CELF1: variants seen among roughly 807,000 people sequenced by gnomAD.
CELF1 encodes 50 kDa nuclear polyadenylated RNA-binding protein.
In CELF1, 10 loss-of-function variants were observed where a neutral mutation model predicts 61.8. The ratio of observed to expected loss-of-function variants is 0.16; its 90% CI spans 0.10 to 0.27. CELF1 has a LOEUF of 0.27. Among genes scored for constraint, CELF1 ranks in the 10% least tolerant of loss-of-function variants. The pLI, the probability that CELF1 is intolerant of heterozygous loss-of-function variation, is 1.00. For missense variants in CELF1, 380 were observed against 639.1 expected, an observed-to-expected ratio of 0.59 and a Z score of 4.37; for synonymous variants, 236 against 225.1, an observed-to-expected ratio of 1.05 and a Z score of -0.43.
intron 1 of CELF1, among the ~76,000 whole-genome samples, chr11:47,540,975 C>T (rs1169133728): frequency 6.6e-6 from 1 of 152,142 alleles, no homozygotes; most frequent in Non-Finnish European, 1.5e-5. Context: ...CCCACCCGAT[C>T]TAGCATGGTA....
chr11:47,558,576 T>TATATATATTTATATATAAAATATAA (rs1555194416), intron 2 of CELF1, among the ~76,000 whole-genome samples: 2 of 106,368 alleles, frequency 1.9e-5, no homozygotes, highest in Middle Eastern at 5.7e-3. Flanking sequence ...AATATATAAA[T>TATATATATTTATATATAAAATATAA]ATATATATAT....
chr11:47,548,512 G>A (rs2097044346), intron 1 of CELF1, among the ~76,000 whole-genome samples: 1 of 152,068 alleles, frequency 6.6e-6, no homozygotes, highest in Non-Finnish European at 1.5e-5. Context: ...CAAAGTGAAA[G>A]ACAAATTACA....
chr11:47,534,301 A>T (rs1219946519), intron 1 of CELF1, among the ~76,000 whole-genome samples: 4 of 149,938 alleles, frequency 2.7e-5, no homozygotes, highest in Non-Finnish European at 5.9e-5. Flanking sequence ...AAGTGCTGGG[A>T]TTACAGGCAT....
intron 2 of CELF1, 68 bp from the exon 3 acceptor site, chr11:47,499,672 A>G (rs1597046298): frequency 1.6e-6 from 1 of 642,120 alleles, no homozygotes; most frequent in East Asian, 2.8e-5. Flanking sequence ...TGCCACAGAA[A>G]GAGGCAGGAC....
At chr11:47,556,385 A>G (rs1303642372), upstream of CELF1, among the ~76,000 whole-genome samples, 1 of 152,146 alleles carries the variant, frequency 6.6e-6, no homozygotes, top group Non-Finnish European at 1.5e-5. Flanking sequence ...GGGTCTCACT[A>G]TGTTGCCCAG....
chr11:47,482,535 G>T, intron 9 of CELF1, 160 bp downstream of exon 9: 3 of 585,818 alleles, frequency 5.1e-6, no homozygotes, highest in Non-Finnish European at 8.8e-6. Context: ...GAGAGAAAGA[G>T]ACTAACAGGA....
At position 47,482,734 on chromosome 11, in the gene CELF1, G is replaced by A; in HGVS notation, c.729C>T (p.Asn243=). The A allele has an allele frequency of 6.2e-7, 1 of 1,614,082 alleles. No individual in the cohort carries two copies. The highest frequency in any genetic ancestry group is 8.5e-7 in the Non-Finnish European group (1 of 1,180,016). ...GTCCAAGAGTATTTAGACCAGCAAG[G>A]TTTCCCCACACAGATGCTGCGCTGA... ...QQISAASVWG[N]LAGLNTLGPQ... Residue 243 remains asparagine, a synonymous_variant, in exon 9 of 15, where the codon AAC becomes AAT. Coordinates refer to ENST00000687097, the MANE Select transcript of CELF1 (RefSeq NM_001376376.1).
intron 9 of CELF1, among the ~76,000 whole-genome samples, chr11:47,481,102 C>CT (rs1187959061): frequency 0.03 from 2,139 of 71,228 alleles, 290 homozygotes; most frequent in African/African-American, 0.1. Context: ...TTTTCTTCTT[C>CT]TTTTTTTTTT....
In CELF1 at chr11:47,472,363, T is replaced by A; in HGVS notation, c.1418-6A>T. 1.2e-6 allele frequency: 2 copies of A among 1,613,362 alleles called. No homozygotes were observed. Among genetic ancestry groups the A allele is most frequent in the East Asian group, 2.2e-5 (1 of 44,862 alleles). On this transcript the variant is annotated splice_region_variant and splice_polypyrimidine_tract_variant and intron_variant, in intron 14 of 14. Transcript: ENST00000687097. Reference sequence around the variant, plus strand: ...ATTGTCGTAACTTACAAAACCTGTGTGTCCAAGCAGAAACCTAGGTGAGGG... The same window carrying A: ...ATTGTCGTAACTTACAAAACCTGTGAGTCCAAGCAGAAACCTAGGTGAGGG...
chr11:47,552,357 T>A lies in CELF1; in HGVS notation c.-154+635A>T, dbSNP rs374825262. ...GGCTTTAAAATCAAAGCCTGGTCCC[T>A]AGCGAAGAAAGCGCTTTAATGTGCT... On this transcript the variant is annotated intron_variant, in intron 1 of 14. Coordinates refer to ENST00000687097, the MANE Select transcript of CELF1 (RefSeq NM_001376376.1). Among the ~76,000 whole-genome samples the A allele has an allele frequency of 3.3e-5, 5 of 152,350 alleles. No individual in the cohort carries two copies. In the South Asian group the frequency reaches 8.3e-4, roughly 25 times the overall value.
chr11:47,544,591 C>T (rs1178141331), intron 1 of CELF1, among the ~76,000 whole-genome samples: 1 of 152,184 alleles, frequency 6.6e-6, no homozygotes, highest in Admixed American at 6.5e-5. Context: ...TACAGAAAGA[C>T]TTAATTCTCC....
intron 1 of CELF1, among the ~76,000 whole-genome samples, chr11:47,532,133 C>T (rs572143698): frequency 6.6e-6 from 1 of 151,980 alleles, no homozygotes; most frequent in African/African-American, 2.4e-5. Context: ...CAGGTTCAAG[C>T]GATTCTCCTG....
At chr11:47,532,184 C>T (rs1272981380) in intron 1 of CELF1, among the ~76,000 whole-genome samples, 1 of 152,122 alleles carries the variant, frequency 6.6e-6, no homozygotes, top group African/African-American at 2.4e-5. Flanking sequence ...GTACCCACCA[C>T]CAGGCCTAAA....
intron 1 of CELF1, among the ~76,000 whole-genome samples, chr11:47,517,568 G>A (rs960081844): frequency 5.3e-5 from 8 of 152,086 alleles, no homozygotes; most frequent in Non-Finnish European, 1.0e-4. Context: ...ATCTCTGGAT[G>A]GATAAAGAAA....
intron 1 of CELF1, among the ~76,000 whole-genome samples, chr11:47,541,869 T>G (rs1479536461): frequency 1.4e-5 from 2 of 148,056 alleles, no homozygotes; most frequent in African/African-American, 5.0e-5. Context: ...AAATTAAAAG[T>G]ATAACAGTAC....
intron 1 of CELF1, among the ~76,000 whole-genome samples, chr11:47,538,883 TCA>T (rs1186819905): frequency 2.0e-5 from 3 of 152,168 alleles, no homozygotes; most frequent in African/African-American, 7.2e-5. Flanking sequence ...GATGCTCCTC[TCA>T]CAGATCATTC....
chr11:47,521,761 A>G (rs568488021), intron 1 of CELF1, among the ~76,000 whole-genome samples: 4 of 152,202 alleles, frequency 2.6e-5, no homozygotes, highest in Non-Finnish European at 5.9e-5. Context: ...CTGTTACATG[A>G]TGATTCTATC....
chr11:47,510,315 A>T (rs2095014585), intron 1 of CELF1, among the ~76,000 whole-genome samples: 2 of 152,186 alleles, frequency 1.3e-5, no homozygotes, highest in Non-Finnish European at 1.5e-5. Flanking sequence ...TTGTATGCTG[A>T]GTAAATGACA....
At position 47,495,935 on chromosome 11, in the gene CELF1, A is replaced by G. The variant is rs975655084; in HGVS notation, c.71+3518T>C. 3.1e-6 allele frequency: 3 copies of G among 976,272 alleles called. No homozygotes were observed. In the African/African-American group the frequency reaches 5.3e-5, roughly 17 times the overall value. 60.5% of individuals were successfully genotyped at this position (976,272 alleles called of 1,614,324 possible). On this transcript the variant is annotated intron_variant, in intron 3 of 14. Coordinates refer to ENST00000687097, the MANE Select transcript of CELF1 (RefSeq NM_001376376.1). Reference sequence around the variant, plus strand: ...AATTATACAAAAAGAAAAAATTCAGATACTTACCAATCCCTCCACCTCCCC... The same window carrying G: ...AATTATACAAAAAGAAAAAATTCAGGTACTTACCAATCCCTCCACCTCCCC...
Sources: gnomAD v4.1 joint callset for allele counts (sites outside exome capture counted in the v4.1 genomes callset) on GRCh38, gnomAD v4.1.1 for gene constraint, MANE v1.5 for transcripts, NCBI Gene and HGNC (gene_info 2026-07-23, HGNC 2026-07-21) for gene names.